The following TSBP1 variants were observed in gnomAD, a reference collection of about 807,000 sequenced individuals.
TSBP1 encodes testis expressed basic protein 1.
A neutral mutation model predicts 68.8 loss-of-function variants in TSBP1; 56 were observed. The observed-to-expected ratio is 0.81, with a 90% CI of 0.66 to 1.02. The LOEUF (loss-of-function observed/expected upper bound fraction) is 1.02. Among genes scored for constraint, TSBP1 ranks in the 50% least tolerant of loss-of-function variants. The pLI, the probability that TSBP1 is intolerant of heterozygous loss-of-function variation, is 0.00. For synonymous variants in TSBP1, 171 were observed against 208.7 expected, an observed-to-expected ratio of 0.82 and a Z score of 1.56; for missense variants, 502 against 641.2, an observed-to-expected ratio of 0.78 and a Z score of 2.34.
At chr6:32,355,094 A>C in intron 8 of TSBP1, 30 bp downstream of exon 8, 1 of 1,601,940 alleles carries the variant, frequency 6.2e-7, no homozygotes, top group East Asian at 2.2e-5. Context: ...AGATGACAGT[A>C]GAATTGAAAG....
In TSBP1 at chr6:32,321,508, C is replaced by CA. The variant is rs1403097947; in HGVS notation, c.559+1608dup. On this transcript the variant is annotated intron_variant, in intron 18 of 22. Coordinates refer to ENST00000612031, the Ensembl canonical transcript of TSBP1. This position sits in a 1 kb window ranked among gnomAD's most constrained non-coding sequence, Gnocchi z 4.3. ...TGTGCCCAATTATAGGGCCTATTCC[C>CA]AAACATGGGCATATGGATTTTGCAG... is the stretch of plus-strand genomic sequence containing the variant. 6.6e-6 allele frequency among the ~76,000 whole-genome samples: 1 copy of CA among 152,178 alleles called. No individual in the cohort carries two copies. Among genetic ancestry groups the CA allele is most frequent in the Non-Finnish European group, 1.5e-5 (1 of 68,040 alleles).
Position 32,310,268 on chromosome 6 carries a change from A to G in TSBP1, c.580+5504T>C, listed in dbSNP as rs201981336. Among the ~76,000 whole-genome samples the G allele has an allele frequency of 6.1e-5, 9 of 148,014 alleles. 1 individual carries two copies. The highest frequency in any genetic ancestry group is 4.1e-4 in the Admixed American group (6 of 14,786). ...CACATGTAAGTGTGTGTGTGTGTGT[A>G]TATATCTGTCTGTGTGTTTTAAAGT... On this transcript the variant is annotated intron_variant, in intron 19 of 22. Transcript: ENST00000612031.
chr6:32,336,191 G>A lies in TSBP1; in HGVS notation c.431-259C>T, dbSNP rs995717893. 1.3e-5 allele frequency among the ~76,000 whole-genome samples: 2 copies of A among 152,168 alleles called. No homozygotes were observed. The highest frequency in any genetic ancestry group is 2.9e-5 in the Non-Finnish European group (2 of 68,032). On this transcript the variant is annotated intron_variant, in intron 12 of 22. Transcript: ENST00000612031. This position sits in a 1 kb window ranked among gnomAD's most constrained non-coding sequence, Gnocchi z 5.2. ...GGAAAGACTCACTCCATATTAATCTGTTATGCCTCTATTTTTCTTCTTACA... is the reference window on the plus strand; with the variant it reads ...GGAAAGACTCACTCCATATTAATCTATTATGCCTCTATTTTTCTTCTTACA...
intron 9 of TSBP1, among the ~76,000 whole-genome samples, chr6:32,344,874 G>C (rs555263137): frequency 1.3e-5 from 2 of 151,900 alleles, no homozygotes; most frequent in Non-Finnish European, 2.9e-5. Context: ...GGCTGGGGTG[G>C]GGGGGACAGG....
At chr6:32,351,479 CG>C (rs1340849853) in intron 8 of TSBP1, among the ~76,000 whole-genome samples, 1 of 151,790 alleles carries the variant, frequency 6.6e-6, no homozygotes, top group Non-Finnish European at 1.5e-5. Context: ...TTTTAAGATC[CG>C]GGGCTAACTT....
In TSBP1 at chr6:32,325,847, G is replaced by T. The variant is rs1583050413; in HGVS notation, c.515-2233C>A. On this transcript the variant is annotated intron_variant, in intron 16 of 22. Transcript: ENST00000612031. This position sits in a 1 kb window ranked among gnomAD's most constrained non-coding sequence, Gnocchi z 4.4. The stretch of plus-strand genomic sequence containing the variant: ...GGTGGTGGTCATGGAGGTGGTTTCG[G>T]TGGGAATGACAACTTTGATCATGGA... 6.5e-6 allele frequency: 9 copies of T among 1,390,524 alleles called. No homozygotes were observed. The highest frequency in any genetic ancestry group is 9.1e-6 in the Non-Finnish European group (9 of 991,472). The allele number at this position is 1,390,524 out of a possible 1,614,324, so 86.1% of individuals were successfully genotyped here.
chr6:32,364,090 G>A (rs960822563), intron 6 of TSBP1, among the ~76,000 whole-genome samples: 1 of 152,146 alleles, frequency 6.6e-6, no homozygotes. Context: ...TGTCTGCATA[G>A]AAGTGCTAAT....
intron 22 of TSBP1, among the ~76,000 whole-genome samples, chr6:32,296,291 CT>C (rs1188340625): frequency 6.6e-6 from 1 of 152,144 alleles, no homozygotes; most frequent in Non-Finnish European, 1.5e-5. Context: ...AGATAAGAAA[CT>C]AATTATAAAT....
intron 6 of TSBP1, 108 bp from the exon 7 acceptor site, chr6:32,355,777 G>T: frequency 7.4e-7 from 1 of 1,343,856 alleles, no homozygotes; most frequent in Non-Finnish European, 9.8e-7. Flanking sequence ...TATCCAGTTA[G>T]GCAAGAAACT....
rs1267846768 is a variant in TSBP1 at position 32,349,958 on chromosome 6, G to A, written c.260-129C>T. On this transcript the variant is annotated intron_variant, in intron 8 of 22. Coordinates refer to ENST00000612031, the Ensembl canonical transcript of TSBP1. ...TGGATTCCAATACTTTTGTGGTAAG[G>A]TGGGACTACAAGATCTATGCAACCT... The A allele has an allele frequency of 1.2e-5, 9 of 768,884 alleles. No individual in the cohort carries two copies. In the Admixed American group the frequency reaches 1.6e-4, roughly 13 times the overall value. The allele number at this position is 768,884 out of a possible 1,614,324, so 47.6% of individuals were successfully genotyped here. A position where few individuals can be genotyped will look rare whatever the true frequency, so the allele number is the denominator to read the frequency against.
At chr6:32,349,128 T>C (rs945190314) in intron 9 of TSBP1, among the ~76,000 whole-genome samples, 2 of 151,884 alleles carry the variant, frequency 1.3e-5, no homozygotes, top group Non-Finnish European at 2.9e-5. Flanking sequence ...CCCTCCTTGC[T>C]CTCCTAAAAG....
rs184746476 is a variant in TSBP1 at position 32,295,756 on chromosome 6, A to G, written c.638-1721T>C. On this transcript the variant is annotated intron_variant, in intron 22 of 22. Coordinates refer to ENST00000612031, the Ensembl canonical transcript of TSBP1. Reference sequence around the variant, plus strand: ...CTTCCCAATGAGATAGTACAGGAAAAAACTCTCTAATTCAATCAAGACAAG... The same window carrying G: ...CTTCCCAATGAGATAGTACAGGAAAGAACTCTCTAATTCAATCAAGACAAG... 6.7e-3 allele frequency among the ~76,000 whole-genome samples: 1,014 copies of G among 152,338 alleles called. 17 individuals carry two copies. Among genetic ancestry groups the G allele is most frequent in the East Asian group, 0.02 (103 of 5,190 alleles).
At chr6:32,351,270 CT>C (rs1771684452) in intron 8 of TSBP1, among the ~76,000 whole-genome samples, 1 of 152,062 alleles carries the variant, frequency 6.6e-6, no homozygotes, top group Non-Finnish European at 1.5e-5. Context: ...GATCTTCAAG[CT>C]TTTTTCTTTC....
At position 32,336,493 on chromosome 6, in the gene TSBP1, C is replaced by T; in HGVS notation, c.430+122G>A. ...ATACCCATTAGCAAACCTGCATATGCACCACCGGAATCTAAAATAAAAGTT... is the reference window on the plus strand; with the variant it reads ...ATACCCATTAGCAAACCTGCATATGTACCACCGGAATCTAAAATAAAAGTT... On this transcript the variant is annotated intron_variant, in intron 12 of 22. Transcript: ENST00000612031. The surrounding 1 kb of genome is among the most constrained non-coding windows in gnomAD (Gnocchi z 5.2). The T allele has an allele frequency of 7.4e-6, 6 of 812,530 alleles. No homozygotes were observed. The South Asian group carries it at 9.9e-5, about 13-fold the overall frequency. The allele number at this position is 812,530 out of a possible 1,614,324, so 50.3% of individuals were successfully genotyped here.
Position 32,306,785 on chromosome 6 carries a change from C to T in TSBP1, c.581-4156G>A, listed in dbSNP as rs1765815633. 6.6e-6 allele frequency among the ~76,000 whole-genome samples: 1 copy of T among 152,076 alleles called. No individual in the cohort carries two copies. The highest frequency in any genetic ancestry group is 6.5e-5 in the Admixed American group (1 of 15,278). ...GTTTTCTTTCCTTCTTTTTTCACCT[C>T]CTGCCATCCTCAGTTTATCTCATGA... On this transcript the variant is annotated intron_variant, in intron 19 of 22. Transcript: ENST00000612031. The surrounding 1 kb of genome is among the most constrained non-coding windows in gnomAD (Gnocchi z 5.1).
intron 19 of TSBP1, among the ~76,000 whole-genome samples, chr6:32,305,988 A>G (rs6457536): frequency 0.21 from 32,027 of 152,174 alleles, 3,563 homozygotes; most frequent in East Asian, 0.22. Flanking sequence ...TCAGTTTGCC[A>G]ATTATTCTCA....
chr6:32,299,372 G>C (rs1371025889), intron 22 of TSBP1, among the ~76,000 whole-genome samples: 2 of 152,200 alleles, frequency 1.3e-5, no homozygotes, highest in South Asian at 2.1e-4. Context: ...ATAGAAAGGA[G>C]ATGGTATTTT....
At chr6:32,350,514 C>T (rs895867103) in intron 8 of TSBP1, among the ~76,000 whole-genome samples, 3 of 152,174 alleles carry the variant, frequency 2.0e-5, no homozygotes, top group Admixed American at 1.3e-4. Flanking sequence ...AACCCATATT[C>T]TTGGTAATGA....
intron 6 of TSBP1, among the ~76,000 whole-genome samples, chr6:32,360,233 C>CTTTTTTTTTTTTTTTTTTTTTTTTTT (rs1328887962): frequency 2.0e-5 from 3 of 152,090 alleles, no homozygotes; most frequent in Non-Finnish European, 4.4e-5. Context: ...CTGAGTTCAA[C>CTTTTTTTTTTTTTTTTTTTTTTTTTT]TTTTTAAGGT....
Sources: allele counts gnomAD v4.1 joint callset (sites outside exome capture counted in the v4.1 genomes callset), GRCh38; gene constraint gnomAD v4.1.1; non-coding constraint Gnocchi (gnomAD v3.1); transcripts MANE v1.5; gene names NCBI Gene and HGNC (gene_info 2026-07-23, HGNC 2026-07-21).